The following TCF4 variants were observed in gnomAD, a reference collection of about 807,000 sequenced individuals.
TCF4 encodes transcription factor 4.
TCF4 carries 3 observed loss-of-function variants against 82.1 expected under a neutral mutation model. That is an observed-to-expected ratio of 0.04 (90% CI 0.02 to 0.09). TCF4 has a LOEUF of 0.09. TCF4 is among the 10% of genes least tolerant of loss of function. The pLI, the probability that TCF4 is intolerant of heterozygous loss-of-function variation, is 1.00. For synonymous variants in TCF4, 276 were observed against 309.6 expected (o/e 0.89, Z 1.14); for missense variants, 518 against 852.7 (o/e 0.61, Z 4.89).
intron 6 of TCF4, among the ~76,000 whole-genome samples, chr18:55,353,834 T>C (rs571774163): frequency 1.6e-4 from 25 of 152,338 alleles, no homozygotes; most frequent in African/African-American, 4.6e-4. Context: ...CCTGCATATA[T>C]AGATATAGCT....
At chr18:55,459,297 T>C (rs1382491699) in intron 5 of TCF4, among the ~76,000 whole-genome samples, 1 of 152,218 alleles carries the variant, frequency 6.6e-6, no homozygotes, top group Non-Finnish European at 1.5e-5. Context: ...TAATTTGATT[T>C]GTAAAGCAGT....
intron 5 of TCF4, chr18:55,404,419 A>G (rs944831089): frequency 2.6e-5 from 4 of 152,266 alleles, no homozygotes; most frequent in Non-Finnish European, 5.9e-5. Context: ...CAGAACATTA[A>G]AAGGGGCTAA....
intron 3 of TCF4, among the ~76,000 whole-genome samples, chr18:55,576,159 A>T (rs1233914772): frequency 6.6e-6 from 1 of 152,130 alleles, no homozygotes; most frequent in Non-Finnish European, 1.5e-5. Flanking sequence ...AGATTCTACC[A>T]CTTCCTCAAT....
intron 6 of TCF4, among the ~76,000 whole-genome samples, chr18:55,354,084 T>C (rs539995521): frequency 7.9e-5 from 12 of 152,218 alleles, no homozygotes; most frequent in Non-Finnish European, 1.6e-4. Flanking sequence ...ACCCATAGTT[T>C]AGCATTTTGC....
chr18:55,629,120 G>T (rs1433492329), intron 2 of TCF4, among the ~76,000 whole-genome samples: 1 of 152,038 alleles, frequency 6.6e-6, no homozygotes, highest in Non-Finnish European at 1.5e-5. Context: ...TATTTTGTGT[G>T]TGTGATACTT....
intron 5 of TCF4, among the ~76,000 whole-genome samples, chr18:55,441,811 A>C (rs1318323692): frequency 6.6e-6 from 1 of 152,182 alleles, no homozygotes; most frequent in African/African-American, 2.4e-5. Flanking sequence ...TATAGTCACA[A>C]ATCAGTGGAA....
In TCF4 at chr18:55,403,435, A is replaced by G. The variant is rs2093934045; in HGVS notation, c.369+19T>C. On this transcript the variant is annotated intron_variant, in intron 6 of 19. Transcript: ENST00000354452. ...AGGTTAATCCTCTCAACCCTTCCGC[A>G]ACAGAGATTCTCACTTACCTGGTGG... The G allele has an allele frequency of 6.2e-7, 1 of 1,613,544 alleles. No individual in the cohort carries two copies. Among genetic ancestry groups the G allele is most frequent in the Non-Finnish European group, 8.5e-7 (1 of 1,179,510 alleles).
chr18:55,283,190 ATT>A (rs771469094), intron 8 of TCF4, among the ~76,000 whole-genome samples: 6 of 144,418 alleles, frequency 4.2e-5, no homozygotes, highest in African/African-American at 2.5e-5. Context: ...TACAGATTTA[ATT>A]TTTTTTTTTT....
At chr18:55,268,641 T>C (rs540576966) in intron 11 of TCF4, 7 of 152,264 alleles carry the variant, frequency 4.6e-5, no homozygotes, top group African/African-American at 1.2e-4. Context: ...GAGGGCATTA[T>C]TGAGGCAGAA....
At chr18:55,238,010 C>T (rs1018537049) in intron 15 of TCF4, among the ~76,000 whole-genome samples, 2 of 152,208 alleles carry the variant, frequency 1.3e-5, no homozygotes, top group South Asian at 4.1e-4. Context: ...GGCATTAAGG[C>T]GGCCCATTCA....
At chr18:55,500,878 C>G (rs1242012744) in intron 3 of TCF4, among the ~76,000 whole-genome samples, 2 of 152,174 alleles carry the variant, frequency 1.3e-5, no homozygotes, top group African/African-American at 4.8e-5. Flanking sequence ...CAATGTGAAC[C>G]TTCTTGCTGA....
At chr18:55,297,153 T>G (rs990877372) in intron 8 of TCF4, among the ~76,000 whole-genome samples, 2 of 138,282 alleles carry the variant, frequency 1.4e-5, no homozygotes, top group African/African-American at 2.6e-5. Flanking sequence ...TGAGGTTTTT[T>G]TTTTTTTTTT....
intron 6 of TCF4, among the ~76,000 whole-genome samples, chr18:55,367,202 A>AC (rs1332050856): frequency 3.3e-4 from 50 of 152,306 alleles, no homozygotes; most frequent in African/African-American, 8.9e-4. Flanking sequence ...CCAGCTGTGT[A>AC]CATGTGCTCA....
At chr18:55,260,185 T>G (rs978568390) in intron 12 of TCF4, among the ~76,000 whole-genome samples, 158 bp from the exon 13 acceptor site, 4 of 152,208 alleles carry the variant, frequency 2.6e-5, no homozygotes, top group African/African-American at 7.2e-5. Flanking sequence ...AATGAAGAAC[T>G]TAACAATTAT....
At chr18:55,450,478 AG>A (rs1473337372) in intron 5 of TCF4, among the ~76,000 whole-genome samples, 2 of 152,216 alleles carry the variant, frequency 1.3e-5, no homozygotes, top group African/African-American at 4.8e-5. Flanking sequence ...GTTAGTTCCT[AG>A]GCCTCATATT....
intron 3 of TCF4, among the ~76,000 whole-genome samples, chr18:55,544,243 A>G (rs1286048361): frequency 1.3e-5 from 2 of 152,196 alleles, no homozygotes; most frequent in African/African-American, 4.8e-5. Flanking sequence ...CAATTGTAAA[A>G]TGATAATTTC....
chr18:55,303,267 A>ACACACACACC (rs1184292058), intron 8 of TCF4, among the ~76,000 whole-genome samples: 8 of 142,192 alleles, frequency 5.6e-5, no homozygotes, highest in African/African-American at 2.1e-4. Flanking sequence ...ACACACACAC[A>ACACACACACC]CCCCTACACA....
chr18:55,363,805 CTAAATAAA>C (rs774730269), intron 6 of TCF4, among the ~76,000 whole-genome samples: 4 of 151,744 alleles, frequency 2.6e-5, no homozygotes, highest in Admixed American at 1.3e-4. Flanking sequence ...CACTCTGTCT[CTAAATAAA>C]TAAATAAATA....
intron 3 of TCF4, among the ~76,000 whole-genome samples, chr18:55,584,100 G>A (rs576930818): frequency 1.3e-5 from 2 of 152,168 alleles, no homozygotes; most frequent in South Asian, 4.1e-4. Flanking sequence ...ACTTAGGCAG[G>A]CAATAGAAGG....
Sources: allele counts gnomAD v4.1 joint callset (sites outside exome capture counted in the v4.1 genomes callset), GRCh38; gene constraint gnomAD v4.1.1; transcripts MANE v1.5; gene names NCBI Gene and HGNC (gene_info 2026-07-23, HGNC 2026-07-21).